SPAG16: variants seen among roughly 807,000 people sequenced by gnomAD.
SPAG16 encodes sperm-associated antigen 16 protein.
SPAG16 carries 86 observed loss-of-function variants against 80.4 expected under a neutral mutation model. The observed-to-expected ratio is 1.07, with a 90% confidence interval of 0.90 to 1.28. The LOEUF (loss-of-function observed/expected upper bound fraction) is 1.28. Among genes scored for constraint, SPAG16 ranks in the 50% most tolerant of loss-of-function variants. SPAG16 has a pLI of 0.00. For synonymous variants in SPAG16, 294 were observed against 265.9 expected, an observed-to-expected ratio of 1.11 and a Z score of -1.03; for missense variants, 870 against 765.3, an observed-to-expected ratio of 1.14 and a Z score of -1.61.
intron 15 of SPAG16, among the ~76,000 whole-genome samples, chr2:214,228,573 A>G (rs1688455476): frequency 6.6e-6 from 1 of 151,866 alleles, no homozygotes; most frequent in Non-Finnish European, 1.5e-5. Context: ...GACTATATCA[A>G]TGGTTCTCAA....
chr2:213,613,825 T>C (rs1407814772), intron 10 of SPAG16, among the ~76,000 whole-genome samples: 2 of 152,228 alleles, frequency 1.3e-5, no homozygotes, highest in Non-Finnish European at 2.9e-5. Context: ...GTTCTTCCTA[T>C]TCCTCTCCCT....
chr2:213,500,958 A>G (rs576803714), intron 10 of SPAG16, among the ~76,000 whole-genome samples: 2 of 152,360 alleles, frequency 1.3e-5, no homozygotes, highest in East Asian at 1.9e-4. Context: ...GTTTTATGGT[A>G]TACAAACACA....
At position 213,489,941 on chromosome 2, in the gene SPAG16, CTT is replaced by C; in HGVS notation, c.943-21_943-20del. 6.3e-7 allele frequency: 1 copy of C among 1,582,572 alleles called. No homozygotes were observed. The highest frequency in any genetic ancestry group is 8.6e-7 in the Non-Finnish European group (1 of 1,165,616). Reference sequence around the variant, plus strand: ...TGATTTTGATATTTAACACAGAGCTCTTGTTTAATTTTTTTCTCTAGGATTCA... The same window carrying C: ...TGATTTTGATATTTAACACAGAGCTCGTTTAATTTTTTTCTCTAGGATTCA... On this transcript the variant is annotated intron_variant, in intron 9 of 15. Coordinates refer to ENST00000331683, the MANE Select transcript of SPAG16 (RefSeq NM_024532.5).
chr2:213,344,284 G>A (rs553066446), intron 6 of SPAG16, among the ~76,000 whole-genome samples: 66 of 152,108 alleles, frequency 4.3e-4, no homozygotes, highest in Admixed American at 1.2e-3. Context: ...TGTCTGCCAG[G>A]GTAGCTCCAG....
chr2:213,421,780 C>A (rs538323284), intron 9 of SPAG16, among the ~76,000 whole-genome samples: 2 of 152,126 alleles, frequency 1.3e-5, no homozygotes, highest in Admixed American at 6.5e-5. Context: ...ATTCAGACAA[C>A]CTGCCTGCAG....
At chr2:214,290,029 G>T (rs1479966572) in intron 15 of SPAG16, among the ~76,000 whole-genome samples, 1 of 152,102 alleles carries the variant, frequency 6.6e-6, no homozygotes, top group Non-Finnish European at 1.5e-5. Context: ...GAATTTGGCT[G>T]TGAATTCATC....
chr2:213,864,824 T>C (rs781004581), intron 11 of SPAG16, among the ~76,000 whole-genome samples: 1 of 152,036 alleles, frequency 6.6e-6, no homozygotes, highest in Non-Finnish European at 1.5e-5. Context: ...CCAATCAATC[T>C]TCTTTGTCCT....
At chr2:213,376,851 A>G (rs1246638954) in intron 9 of SPAG16, among the ~76,000 whole-genome samples, 1 of 152,188 alleles carries the variant, frequency 6.6e-6, no homozygotes, top group East Asian at 1.9e-4. Flanking sequence ...CAGACATTGC[A>G]AATTTAACTA....
intron 13 of SPAG16, among the ~76,000 whole-genome samples, chr2:214,102,024 T>G (rs1030230571): frequency 6.6e-6 from 1 of 151,998 alleles, no homozygotes; most frequent in Non-Finnish European, 1.5e-5. Flanking sequence ...GTGCACGCAT[T>G]TCATGTCATG....
At chr2:214,138,040 T>G (rs963384496) in intron 14 of SPAG16, among the ~76,000 whole-genome samples, 6 of 152,110 alleles carry the variant, frequency 3.9e-5, no homozygotes, top group Admixed American at 3.9e-4. Context: ...TTTATTCTTT[T>G]CTGGGCTCTT....
In SPAG16 at chr2:214,014,005, G is replaced by A; in HGVS notation, c.1455G>A (p.Glu485=). 6.2e-7 allele frequency: 1 copy of A among 1,613,576 alleles called. No individual in the cohort carries two copies. The highest frequency in any genetic ancestry group is 8.5e-7 in the Non-Finnish European group (1 of 1,179,762). ...YGHTDSVNSI[E]FFPFSNTLLT... ...ATACAGATTCTGTGAACAGCATTGA[G>A]TTTTTTCCTTTCTCCAATACTCTTC... Residue 485 remains glutamate, a synonymous_variant, in exon 13 of 16, where the codon GAG becomes GAA. Coordinates refer to ENST00000331683, the MANE Select transcript of SPAG16 (RefSeq NM_024532.5).
intron 13 of SPAG16, among the ~76,000 whole-genome samples, chr2:214,037,123 TTGA>T (rs2048738371): frequency 1.3e-5 from 2 of 152,076 alleles, no homozygotes; most frequent in African/African-American, 4.8e-5. Context: ...TTCATTTTTA[TTGA>T]TGAAATGTTT....
At chr2:213,727,901 T>C (rs1226907819) in intron 10 of SPAG16, among the ~76,000 whole-genome samples, 1 of 152,102 alleles carries the variant, frequency 6.6e-6, no homozygotes, top group Non-Finnish European at 1.5e-5. Context: ...CAGGTTGGAG[T>C]GCAATGGCGT....
At chr2:214,295,947 G>T (rs1197301356) in intron 15 of SPAG16, among the ~76,000 whole-genome samples, 1 of 152,044 alleles carries the variant, frequency 6.6e-6, no homozygotes, top group Non-Finnish European at 1.5e-5. Context: ...TGTTTGTTAA[G>T]TGGATATAAT....
chr2:213,939,631 AC>A (rs2079119933), intron 12 of SPAG16, among the ~76,000 whole-genome samples: 2 of 152,132 alleles, frequency 1.3e-5, no homozygotes. Context: ...CACATAAACC[AC>A]CCAATTAAGA....
At chr2:214,343,184 A>G (rs1397971281) in intron 15 of SPAG16, among the ~76,000 whole-genome samples, 2 of 152,188 alleles carry the variant, frequency 1.3e-5, no homozygotes, top group African/African-American at 4.8e-5. Context: ...AAAGAAGAGG[A>G]TGTTGTAAGA....
chr2:213,907,194 G>A (rs527944552), intron 11 of SPAG16, among the ~76,000 whole-genome samples: 1 of 152,008 alleles, frequency 6.6e-6, no homozygotes, highest in East Asian at 1.9e-4. Flanking sequence ...AAACCTACAA[G>A]CAATCCCATT....
intron 10 of SPAG16, among the ~76,000 whole-genome samples, chr2:213,635,105 G>A (rs570921740): frequency 5.3e-5 from 8 of 150,576 alleles, no homozygotes; most frequent in Non-Finnish European, 8.9e-5. Flanking sequence ...ATGGGATCTC[G>A]ACTCACTGCA....
intron 7 of SPAG16, among the ~76,000 whole-genome samples, chr2:213,359,418 C>T (rs370152246): frequency 1.3e-5 from 2 of 152,160 alleles, no homozygotes; most frequent in Non-Finnish European, 2.9e-5. Context: ...TGCTGAGCTG[C>T]GGTGGGCTCC....
Sources: allele counts gnomAD v4.1 joint callset (sites outside exome capture counted in the v4.1 genomes callset), GRCh38; gene constraint gnomAD v4.1.1; transcripts MANE v1.5; gene names NCBI Gene and HGNC (gene_info 2026-07-23, HGNC 2026-07-21).